The following NRG1 variants were observed in gnomAD, a reference collection of about 807,000 sequenced individuals.
NRG1 encodes the protein neuregulin 1.
A neutral mutation model predicts 63.8 loss-of-function variants in NRG1; 18 were observed. That is an observed-to-expected ratio of 0.28 (90% CI 0.19 to 0.42). The LOEUF is 0.42. NRG1 is among the 10% of genes least tolerant of loss of function. The pLI is 1.00. For missense variants in NRG1, 762 were observed against 814.7 expected (o/e 0.94, Z 0.79); for synonymous variants, 302 against 301.3 (o/e 1.00, Z -0.02).
At chr8:31,920,303 TA>T (rs5890604) in intron 1 of NRG1, among the ~76,000 whole-genome samples, 105,509 of 150,914 alleles carry the variant, frequency 0.7, 37,328 homozygotes, top group East Asian at 0.92. Flanking sequence ...TGCTTTAAAT[TA>T]AAAAAAAAAG....
At chr8:31,841,109 GC>G (rs916048490) in intron 1 of NRG1, among the ~76,000 whole-genome samples, 5 of 152,132 alleles carry the variant, frequency 3.3e-5, no homozygotes, top group Non-Finnish European at 5.9e-5. Context: ...ACTATACTTT[GC>G]CTGCCTAGAA....
chr8:32,732,028 T>G (rs184094640), intron 6 of NRG1, among the ~76,000 whole-genome samples: 32 of 152,346 alleles, frequency 2.1e-4, no homozygotes, highest in Admixed American at 1.9e-3. Context: ...TTTGTCTCTC[T>G]GCTTAGAACA....
At chr8:31,662,996 C>T (rs1312821501) in intron 1 of NRG1, among the ~76,000 whole-genome samples, 1 of 152,140 alleles carries the variant, frequency 6.6e-6, no homozygotes, top group African/African-American at 2.4e-5. Context: ...GCTTGTATTA[C>T]CAGGGATGAC....
intron 1 of NRG1, among the ~76,000 whole-genome samples, chr8:32,253,672 C>A (rs1586410338): frequency 6.6e-6 from 1 of 152,068 alleles, no homozygotes; most frequent in Non-Finnish European, 1.5e-5. Context: ...TTTGCCTCTG[C>A]CAGGTTTTGC....
At chr8:31,971,715 A>T (rs1018791327) in intron 1 of NRG1, among the ~76,000 whole-genome samples, 47 of 146,480 alleles carry the variant, frequency 3.2e-4, no homozygotes, top group African/African-American at 9.5e-4. Context: ...TAAATTGTTT[A>T]AAAAAAAACA....
At chr8:32,001,805 G>A (rs150537355) in intron 1 of NRG1, among the ~76,000 whole-genome samples, 12 of 152,116 alleles carry the variant, frequency 7.9e-5, no homozygotes, top group Middle Eastern at 3.4e-3. Flanking sequence ...TGCTATGCAT[G>A]ATATCAAGTA....
At chr8:32,342,010 T>G (rs1179597659) in intron 1 of NRG1, among the ~76,000 whole-genome samples, 1 of 152,216 alleles carries the variant, frequency 6.6e-6, no homozygotes, top group East Asian at 1.9e-4. Context: ...TGTGTCATTA[T>G]GTGAATTCTT....
intron 1 of NRG1, among the ~76,000 whole-genome samples, chr8:32,262,647 T>C (rs1850508863): frequency 6.6e-6 from 1 of 152,170 alleles, no homozygotes; most frequent in East Asian, 1.9e-4. Flanking sequence ...GTTTATTACC[T>C]TAAGTTTAAT....
At chr8:32,690,439 T>C (rs1811295668) in intron 5 of NRG1, among the ~76,000 whole-genome samples, 1 of 152,140 alleles carries the variant, frequency 6.6e-6, no homozygotes, top group Non-Finnish European at 1.5e-5. Flanking sequence ...AAATTTATCG[T>C]GGCTGGACCA....
intron 3 of NRG1, among the ~76,000 whole-genome samples, chr8:32,612,344 A>G (rs972588350): frequency 1.3e-5 from 2 of 152,206 alleles, no homozygotes; most frequent in East Asian, 3.9e-4. Flanking sequence ...TTTTAATTAA[A>G]AAGATTAACT....
chr8:31,667,172 A>G (rs931059563), intron 1 of NRG1, among the ~76,000 whole-genome samples: 1 of 152,188 alleles, frequency 6.6e-6, no homozygotes, highest in Non-Finnish European at 1.5e-5. Flanking sequence ...CAAAGACTCA[A>G]CCAGTCAAAC....
chr8:32,326,437 A>T (rs1442714268), intron 1 of NRG1, among the ~76,000 whole-genome samples: 1 of 150,288 alleles, frequency 6.7e-6, no homozygotes, highest in Admixed American at 6.7e-5. Context: ...TCAGTCTCCC[A>T]AGTATCTGGG....
intron 1 of NRG1, among the ~76,000 whole-genome samples, chr8:31,876,563 C>A (rs972040321): frequency 2.0e-5 from 3 of 152,110 alleles, no homozygotes; most frequent in Non-Finnish European, 2.9e-5. Context: ...TAAATAATGA[C>A]TCTTGTAACA....
chr8:31,677,378 T>C lies in NRG1; in HGVS notation c.37+37947T>C, dbSNP rs372585066. Reference sequence around the variant, plus strand: ...TTGATATAGAATCTATGTAGGGATATAGAATCTATGGATTCTAAATAGATT... The same window carrying C: ...TTGATATAGAATCTATGTAGGGATACAGAATCTATGGATTCTAAATAGATT... On this transcript the variant is annotated intron_variant, in intron 1 of 10. Coordinates refer to the NRG1 transcript ENST00000519301. 1.4e-4 allele frequency among the ~76,000 whole-genome samples: 22 copies of C among 152,310 alleles called. No individual in the cohort carries two copies. In the East Asian group the frequency reaches 2.9e-3, roughly 20 times the overall value.
intron 1 of NRG1, among the ~76,000 whole-genome samples, chr8:32,265,402 T>G (rs1398419513): frequency 6.6e-6 from 1 of 152,142 alleles, no homozygotes; most frequent in Non-Finnish European, 1.5e-5. Context: ...GTGTGATATT[T>G]ATCATAGCTA....
intron 1 of NRG1, among the ~76,000 whole-genome samples, chr8:32,386,858 C>T (rs1213348009): frequency 6.6e-6 from 1 of 152,146 alleles, no homozygotes; most frequent in Non-Finnish European, 1.5e-5. Flanking sequence ...AAATAGTTAT[C>T]TATTATGCAG....
At chr8:32,030,757 G>A (rs1818141874) in intron 1 of NRG1, among the ~76,000 whole-genome samples, 1 of 152,174 alleles carries the variant, frequency 6.6e-6, no homozygotes, top group East Asian at 1.9e-4. Context: ...GCATACGTCT[G>A]CCATGCTTTA....
intron 1 of NRG1, among the ~76,000 whole-genome samples, chr8:32,319,855 G>T (rs1037544288): frequency 6.6e-6 from 1 of 152,036 alleles, no homozygotes; most frequent in East Asian, 1.9e-4. Context: ...GAGGTTTTCT[G>T]CATATAATAT....
At chr8:32,204,694 G>A (rs1843840572) in intron 1 of NRG1, among the ~76,000 whole-genome samples, 1 of 152,204 alleles carries the variant, frequency 6.6e-6, no homozygotes, top group Non-Finnish European at 1.5e-5. Flanking sequence ...TGGATTGTAA[G>A]AATATACACA....
Sources: gnomAD v4.1 joint callset for allele counts (sites outside exome capture counted in the v4.1 genomes callset) on GRCh38, gnomAD v4.1.1 for gene constraint, MANE v1.5 for transcripts, NCBI Gene and HGNC (gene_info 2026-07-23, HGNC 2026-07-21) for gene names.